The following TRAF3IP1 variants were observed in gnomAD, a reference collection of about 807,000 sequenced individuals.
TRAF3IP1 encodes TRAF3-interacting protein 1.
TRAF3IP1 carries 53 observed loss-of-function variants against 89.9 expected under a neutral mutation model. The ratio of observed to expected loss-of-function variants is 0.59; its 90% CI spans 0.47 to 0.74. The LOEUF (loss-of-function observed/expected upper bound fraction) is 0.74, where lower values mean the gene tolerates loss of function less well. Among genes scored for constraint, TRAF3IP1 ranks in the 30% least tolerant of loss-of-function variants. The pLI is 0.00. For missense variants in TRAF3IP1, 806 were observed against 866.1 expected (o/e 0.93, Z 0.87); for synonymous variants, 311 against 322.1 (o/e 0.97, Z 0.37).
At chr2:238,363,907 C>A (rs1257117362) in intron 15 of TRAF3IP1, among the ~76,000 whole-genome samples, 2 of 152,092 alleles carry the variant, frequency 1.3e-5, no homozygotes, top group Non-Finnish European at 2.9e-5. Context: ...TTGCAGCGAG[C>A]CGAGACTGCA....
At chr2:238,372,174 A>G (rs1700137396) in intron 15 of TRAF3IP1, among the ~76,000 whole-genome samples, 1 of 152,116 alleles carries the variant, frequency 6.6e-6, no homozygotes, top group South Asian at 2.1e-4. Flanking sequence ...GTACATGTGC[A>G]CAATGTGCAG....
At position 238,399,818 on chromosome 2, in the gene TRAF3IP1, A is replaced by G. The variant is rs1404574899; in HGVS notation, c.*899A>G. On this transcript the variant is annotated 3_prime_UTR_variant, in exon 17 of 17. Transcript: ENST00000373327. ...ACATAAGGAAGACTTAAAAGGATGC[A>G]CTGATTTACGACGTTTTTTGATGTT... is the stretch of plus-strand genomic sequence containing the variant. 6.6e-6 allele frequency: 1 copy of G among 152,154 alleles called. No homozygotes were observed. Among genetic ancestry groups the G allele is most frequent in the Admixed American group, 6.6e-5 (1 of 15,264 alleles). The allele number at this position is 152,154 out of a possible 1,614,324, so 9.4% of individuals were successfully genotyped here.
chr2:238,326,090 AC>A, intron 3 of TRAF3IP1, 120 bp downstream of exon 3: 1 of 948,160 alleles, frequency 1.1e-6, no homozygotes, highest in Non-Finnish European at 1.6e-6. Flanking sequence ...TCTGTCAAAC[AC>A]TGTGCTTTGA....
intron 13 of TRAF3IP1, 58 bp from the exon 14 acceptor site, chr2:238,353,115 T>A: frequency 1.2e-6 from 2 of 1,606,554 alleles, no homozygotes; most frequent in Admixed American, 3.4e-5. Context: ...CACAGAAGCA[T>A]GATCTTTAAA....
chr2:238,390,746 A>G (rs1185181026), intron 15 of TRAF3IP1, among the ~76,000 whole-genome samples: 1 of 152,116 alleles, frequency 6.6e-6, no homozygotes, highest in African/African-American at 2.4e-5. Flanking sequence ...TGAAGGATAA[A>G]TATTATTATT....
At chr2:238,372,947 T>C (rs188778575) in intron 15 of TRAF3IP1, among the ~76,000 whole-genome samples, 9,043 of 152,312 alleles carry the variant, frequency 0.059, 382 homozygotes, top group Non-Finnish European at 0.082. Flanking sequence ...GAAGTGTCTG[T>C]TCATATCCTT....
At chr2:238,391,108 C>A (rs1416557839) in intron 15 of TRAF3IP1, among the ~76,000 whole-genome samples, 1 of 152,174 alleles carries the variant, frequency 6.6e-6, no homozygotes, top group Non-Finnish European at 1.5e-5. Flanking sequence ...GTGTGCACCA[C>A]CACGCCTTGG....
At chr2:238,363,289 C>T (rs941559138) in intron 15 of TRAF3IP1, among the ~76,000 whole-genome samples, 2 of 151,930 alleles carry the variant, frequency 1.3e-5, no homozygotes, top group South Asian at 2.1e-4. Flanking sequence ...TCGTTTTAAA[C>T]CTACATATAT....
chr2:238,397,004 T>G (rs966552948), intron 15 of TRAF3IP1, among the ~76,000 whole-genome samples: 1 of 152,086 alleles, frequency 6.6e-6, no homozygotes, highest in African/African-American at 2.4e-5. Flanking sequence ...GCAAGCTGGG[T>G]TTTGAAGTCA....
At chr2:238,342,631 TAG>T (rs1473272071) in intron 8 of TRAF3IP1, among the ~76,000 whole-genome samples, 1 of 152,238 alleles carries the variant, frequency 6.6e-6, no homozygotes, top group Admixed American at 6.5e-5. Context: ...TTAAAATTAT[TAG>T]AGTGTTTTCT....
chr2:238,374,796 T>C lies in TRAF3IP1; in HGVS notation c.1689+18716T>C, dbSNP rs1700247975. Among the ~76,000 whole-genome samples the C allele has an allele frequency of 2.0e-5, 3 of 152,212 alleles. No individual in the cohort carries two copies. In the South Asian group the frequency reaches 6.2e-4, roughly 31 times the overall value. ...GGTTGGTAGGCTATTAATTATTGCC[T>C]TAATTTCAGAGCCTGTTATTGGTCT... On this transcript the variant is annotated intron_variant, in intron 15 of 16. Coordinates refer to ENST00000373327, the MANE Select transcript of TRAF3IP1 (RefSeq NM_015650.4).
rs750200893 is a variant in TRAF3IP1 at position 238,325,913 on chromosome 2, T to C, written c.297T>C (p.His99=). The change falls in exon 3 of 17, where the codon CAT becomes CAC. Residue 99 remains histidine (H), a synonymous_variant. Transcript: ENST00000373327. ...LAKPARIVAG[H]EPERTNELLQ... ...AACCAGCCCGAATCGTGGCGGGGCA[T>C]GAGCCTGAAAGAACAAACGAGCTGC... 8 of 1,614,074 alleles carry C rather than the reference T, an allele frequency of 5.0e-6. No homozygotes were observed. In the East Asian group the frequency reaches 1.6e-4, roughly 31 times the overall value.
In TRAF3IP1 at chr2:238,399,003, A is replaced by T; in HGVS notation, c.*84A>T. On this transcript the variant is annotated 3_prime_UTR_variant, in exon 17 of 17. Coordinates refer to ENST00000373327, the MANE Select transcript of TRAF3IP1 (RefSeq NM_015650.4). ...GAAAATCATTACTCTTTTAAGTTCC[A>T]GTTTGCTAAGAAAATGAACAGTTTA... 2 of 1,265,348 alleles carry T rather than the reference A, an allele frequency of 1.6e-6. No individual in the cohort carries two copies. Among genetic ancestry groups the T allele is most frequent in the South Asian group, 1.5e-5 (1 of 65,506 alleles). 78.4% of individuals were successfully genotyped at this position (1,265,348 alleles called of 1,614,324 possible).
rs191353078 is a variant in TRAF3IP1 at position 238,357,102 on chromosome 2, T to A, written c.1689+1022T>A. Among the ~76,000 whole-genome samples the A allele has an allele frequency of 2.9e-3, 449 of 152,282 alleles. 4 individuals carry two copies. The highest frequency in any genetic ancestry group is 0.01 in the African/African-American group (422 of 41,556). ...CGGGAATGTTTTTAAGTCTTTTTTTTAAATACATGTTCTATTGTACCTGGT... is the reference window on the plus strand; with the variant it reads ...CGGGAATGTTTTTAAGTCTTTTTTTAAAATACATGTTCTATTGTACCTGGT... On this transcript the variant is annotated intron_variant, in intron 15 of 16. Coordinates refer to ENST00000373327, the MANE Select transcript of TRAF3IP1 (RefSeq NM_015650.4).
rs1258786863 is a variant in TRAF3IP1, at chr2:238,351,081, T to C, written c.1451+1673T>C. On this transcript the variant is annotated intron_variant, in intron 12 of 16. Transcript: ENST00000373327. The surrounding 1 kb of genome is among the most constrained non-coding windows in gnomAD (Gnocchi z 5.2). ...GGCGGTGAGCTGGGAATATAGATAG[T>C]GGTGGTAAAGGAGTGGGGCGCTTGG... Among the ~76,000 whole-genome samples, 1 of 151,810 alleles carries C rather than the reference T, an allele frequency of 6.6e-6. No individual in the cohort carries two copies. The highest frequency in any genetic ancestry group is 2.1e-4 in the South Asian group (1 of 4,794).
intron 15 of TRAF3IP1, among the ~76,000 whole-genome samples, chr2:238,371,597 G>A (rs528740088): frequency 6.6e-6 from 1 of 152,374 alleles, no homozygotes; most frequent in Non-Finnish European, 1.5e-5. Context: ...GAAAGCCTGA[G>A]TGTGGGCCTG....
chr2:238,355,358 A>G (rs1306057317), intron 14 of TRAF3IP1, among the ~76,000 whole-genome samples: 3 of 152,250 alleles, frequency 2.0e-5, no homozygotes, highest in Non-Finnish European at 2.9e-5. Context: ...AAATAAATGC[A>G]TATGCATGTG....
Position 238,377,436 on chromosome 2 carries a change from A to T in TRAF3IP1, c.1690-20023A>T, listed in dbSNP as rs1209186112. 2.0e-5 allele frequency among the ~76,000 whole-genome samples: 3 copies of T among 151,522 alleles called. No homozygotes were observed. The East Asian group carries it at 5.8e-4, about 29-fold the overall frequency. On this transcript the variant is annotated intron_variant, in intron 15 of 16. Transcript: ENST00000373327. Reference sequence around the variant, plus strand: ...CCCCCACTGTGGGGCTTGGTTATTAATGCGTGTTAAATTTTACTAAATGCT... The same window carrying T: ...CCCCCACTGTGGGGCTTGGTTATTATTGCGTGTTAAATTTTACTAAATGCT...
intron 5 of TRAF3IP1, among the ~76,000 whole-genome samples, chr2:238,330,613 T>G (rs1698074565): frequency 6.6e-6 from 1 of 152,170 alleles, no homozygotes; most frequent in Non-Finnish European, 1.5e-5. Flanking sequence ...CTTGTGGCAC[T>G]GCGTCTCAGG....
Sources: gnomAD v4.1 joint callset for allele counts (sites outside exome capture counted in the v4.1 genomes callset) on GRCh38, gnomAD v4.1.1 for gene constraint, Gnocchi (gnomAD v3.1) non-coding constraint, MANE v1.5 for transcripts, NCBI Gene and HGNC (gene_info 2026-07-23, HGNC 2026-07-21) for gene names.